The following MVB12B variants were observed in gnomAD, a reference collection of about 807,000 sequenced individuals.
The protein encoded by MVB12B is multivesicular body subunit 12B.
MVB12B carries 16 observed loss-of-function variants against 41.6 expected under a neutral mutation model. That is an observed-to-expected ratio of 0.38 (90% CI 0.26 to 0.58). The LOEUF is 0.58. Ranked by LOEUF, MVB12B falls within the 20% of genes least tolerant of loss-of-function variation. The pLI is 0.62. For missense variants in MVB12B, 274 were observed against 380.2 expected (o/e 0.72, Z 2.32); for synonymous variants, 133 against 139.7 (o/e 0.95, Z 0.34).
At chr9:126,408,623 T>G (rs16928980) in intron 6 of MVB12B, among the ~76,000 whole-genome samples, 1 of 151,836 alleles carries the variant, frequency 6.6e-6, no homozygotes, top group East Asian at 2.0e-4. Flanking sequence ...GTCCCTCCTT[T>G]TCGGCTTCTC....
chr9:126,341,872 G>T (rs2118827479), intron 2 of MVB12B, among the ~76,000 whole-genome samples: 1 of 152,284 alleles, frequency 6.6e-6, no homozygotes, highest in East Asian at 1.9e-4. Flanking sequence ...AGGCAGATCT[G>T]TACTGAGTCA....
At chr9:126,370,818 A>G (rs1489025112) in intron 2 of MVB12B, among the ~76,000 whole-genome samples, 1 of 152,100 alleles carries the variant, frequency 6.6e-6, no homozygotes, top group Non-Finnish European at 1.5e-5. Context: ...GGATACTACA[A>G]AGTATCCAAG....
chr9:126,383,702 G>A (rs904716367), intron 3 of MVB12B, among the ~76,000 whole-genome samples: 5 of 152,026 alleles, frequency 3.3e-5, no homozygotes, highest in Non-Finnish European at 7.4e-5. Flanking sequence ...AGATGGGGGA[G>A]GGGAGAGGAA....
At chr9:126,488,844 G>C (rs904114674) in intron 9 of MVB12B, among the ~76,000 whole-genome samples, 1 of 152,198 alleles carries the variant, frequency 6.6e-6, no homozygotes, top group Non-Finnish European at 1.5e-5. Flanking sequence ...AATCGAAGCC[G>C]AAGCACAGTT....
intron 1 of MVB12B, among the ~76,000 whole-genome samples, chr9:126,332,178 C>T (rs1193935625): frequency 5.3e-5 from 8 of 152,084 alleles, no homozygotes; most frequent in South Asian, 4.1e-4. Flanking sequence ...CACACACCCC[C>T]GTCTTTCAGG....
rs117502799 is a variant in MVB12B at position 126,374,546 on chromosome 9, G to A, written c.205-6518G>A. Among the ~76,000 whole-genome samples, 390 of 152,330 alleles carry A rather than the reference G, an allele frequency of 2.6e-3. 4 individuals are homozygous for A. The highest frequency in any genetic ancestry group is 4.0e-3 in the Non-Finnish European group (270 of 68,030). ...CCTGGGCTATGTGAGACAGGGGTGG[G>A]GGCCAGGTCCCGAAAGGTTTGTAGA... On this transcript the variant is annotated intron_variant, in intron 2 of 9. Transcript: ENST00000361171.
At chr9:126,369,526 C>T (rs919864257) in intron 2 of MVB12B, among the ~76,000 whole-genome samples, 2 of 152,336 alleles carry the variant, frequency 1.3e-5, no homozygotes, top group Non-Finnish European at 1.5e-5. Flanking sequence ...TTTCCAGAGT[C>T]TCTACTGCTC....
chr9:126,358,375 G>A (rs890529879), intron 2 of MVB12B, among the ~76,000 whole-genome samples: 10 of 151,052 alleles, frequency 6.6e-5, no homozygotes, highest in African/African-American at 2.4e-4. Context: ...GATTGGAGTT[G>A]TATTAAATGT....
intron 6 of MVB12B, among the ~76,000 whole-genome samples, chr9:126,419,198 C>T (rs1020872119): frequency 1.3e-5 from 2 of 152,162 alleles, no homozygotes; most frequent in Admixed American, 6.5e-5. Flanking sequence ...AGTTAGGTTG[C>T]GTGCACCTTT....
At chr9:126,465,798 A>C (rs1207603709) in intron 7 of MVB12B, among the ~76,000 whole-genome samples, 4 of 152,156 alleles carry the variant, frequency 2.6e-5, no homozygotes, top group African/African-American at 9.7e-5. Context: ...CATTTGTTTT[A>C]GATGTGTTAT....
intron 7 of MVB12B, among the ~76,000 whole-genome samples, chr9:126,464,959 T>C (rs534365162): frequency 2.6e-5 from 4 of 152,168 alleles, no homozygotes; most frequent in Non-Finnish European, 5.9e-5. Flanking sequence ...AGACAGATGC[T>C]CTCGTGCCGG....
At chr9:126,464,807 C>G (rs1243743810) in intron 7 of MVB12B, among the ~76,000 whole-genome samples, 2 of 152,234 alleles carry the variant, frequency 1.3e-5, no homozygotes, top group East Asian at 1.9e-4. Context: ...CAGCTCTGCC[C>G]TTGACCAGCT....
chr9:126,427,877 C>T (rs1330936381), intron 7 of MVB12B, among the ~76,000 whole-genome samples: 1 of 152,150 alleles, frequency 6.6e-6, no homozygotes, highest in African/African-American at 2.4e-5. Context: ...ACACAATTGT[C>T]CCAGGACAGA....
chr9:126,444,164 C>G (rs1322484265), intron 7 of MVB12B, among the ~76,000 whole-genome samples: 1 of 152,154 alleles, frequency 6.6e-6, no homozygotes, highest in Admixed American at 6.5e-5. Context: ...TTTACCTAGC[C>G]AGTCCTCAGT....
In MVB12B at chr9:126,371,358, C is replaced by T. The variant is rs1830332570; in HGVS notation, c.205-9706C>T. On this transcript the variant is annotated intron_variant, in intron 2 of 9. Transcript: ENST00000361171. ...TACCTGCTGCGATGCGGCCAGGTGC[C>T]CTGCCTATGTGTATCTCCCATTTCC... Among the ~76,000 whole-genome samples the T allele has an allele frequency of 2.0e-5, 3 of 152,364 alleles. No individual in the cohort carries two copies. In the South Asian group the frequency reaches 6.2e-4, roughly 32 times the overall value.
In MVB12B at chr9:126,395,867, G is replaced by T; in HGVS notation, c.662+170G>T. 1 of 1,428,348 alleles carries T rather than the reference G, an allele frequency of 7.0e-7. No individual in the cohort carries two copies. The highest frequency in any genetic ancestry group is 1.5e-5 in the South Asian group (1 of 65,198). The allele number at this position is 1,428,348 out of a possible 1,614,324, so 88.5% of individuals were successfully genotyped here. On this transcript the variant is annotated intron_variant, in intron 6 of 9. Transcript: ENST00000361171. This position sits in a 1 kb window ranked among gnomAD's most constrained non-coding sequence, Gnocchi z 4.9. Reference sequence around the variant, plus strand: ...TTTAAAAATCCACTTGGAAATCTTTGCATTACATGAATGCAAAGGCCATTC... The same window carrying T: ...TTTAAAAATCCACTTGGAAATCTTTTCATTACATGAATGCAAAGGCCATTC...
intron 7 of MVB12B, among the ~76,000 whole-genome samples, chr9:126,437,878 AT>A (rs556593695): frequency 1.2e-3 from 179 of 152,318 alleles, no homozygotes; most frequent in African/African-American, 4.1e-3. Context: ...GTAAAATTAA[AT>A]TTTTTATAGC....
chr9:126,503,150 T>C, intron 9 of MVB12B, 27 bp from the exon 10 acceptor site: 1 of 1,540,664 alleles, frequency 6.5e-7, no homozygotes, highest in Non-Finnish European at 8.8e-7. Flanking sequence ...ACTGACTGTG[T>C]CTCTCTGTCC....
At position 126,478,977 on chromosome 9, in the gene MVB12B, G is replaced by C. The variant is rs1297841366; in HGVS notation, c.758-2392G>C. Among the ~76,000 whole-genome samples the C allele has an allele frequency of 1.3e-5, 2 of 152,186 alleles. No individual in the cohort carries two copies. ...AATGAATGGTGAGTGGGTTCTGCAG[G>C]GGAGCAATTGCCAGGGCCTGTGCAC... is the stretch of plus-strand genomic sequence containing the variant. On this transcript the variant is annotated intron_variant, in intron 7 of 9. Coordinates refer to ENST00000361171, the MANE Select transcript of MVB12B (RefSeq NM_033446.3). The surrounding 1 kb of genome is among the most constrained non-coding windows in gnomAD (Gnocchi z 4.2).
Sources: allele counts gnomAD v4.1 joint callset (sites outside exome capture counted in the v4.1 genomes callset), GRCh38; gene constraint gnomAD v4.1.1; non-coding constraint Gnocchi (gnomAD v3.1); transcripts MANE v1.5; gene names NCBI Gene and HGNC (gene_info 2026-07-23, HGNC 2026-07-21).